The following SMAD4 variants were observed in gnomAD, a reference collection of about 807,000 sequenced individuals.
The protein encoded by SMAD4 is MAD homolog 4.
SMAD4 carries 7 observed loss-of-function variants against 63.2 expected under a neutral mutation model. The ratio of observed to expected loss-of-function variants is 0.11; its 90% confidence interval spans 0.06 to 0.21. The LOEUF (loss-of-function observed/expected upper bound fraction) is 0.21. SMAD4 is among the 10% of genes least tolerant of loss of function. SMAD4 has a pLI of 1.00. For synonymous variants in SMAD4, 215 were observed against 235.4 expected (o/e 0.91, Z 0.79); for missense variants, 312 against 693.8 (o/e 0.45, Z 6.18).
chr18:51,046,435 G>GT (rs1430527145), intron 1 of SMAD4, among the ~76,000 whole-genome samples: 1 of 131,128 alleles, frequency 7.6e-6, no homozygotes, highest in Non-Finnish European at 1.7e-5. Flanking sequence ...TTCTAAATTG[G>GT]GGTTTTTTTT....
In SMAD4 at chr18:51,065,545, G is replaced by T; in HGVS notation, c.1078G>T (p.Asp360Tyr). The T allele has an allele frequency of 6.2e-7, 1 of 1,614,188 alleles. No individual in the cohort carries two copies. The highest frequency in any genetic ancestry group is 8.5e-7 in the Non-Finnish European group (1 of 1,180,028). Residue 360 changes from aspartate to tyrosine, a missense_variant, in exon 9 of 12, where the codon GAT becomes TAT. Asp to Tyr is a radical substitution (Grantham distance 160). Transcript: ENST00000342988. ...TGGATACGTGGACCCTTCTGGAGGAGATCGCTTTTGTTTGGGTCAACTCTC... is the reference window on the plus strand; with the variant it reads ...TGGATACGTGGACCCTTCTGGAGGATATCGCTTTTGTTTGGGTCAACTCTC... ...VDGYVDPSGG[D>Y]RFCLGQLSNV... is the part of the protein sequence containing the mutation.
At chr18:51,052,076 T>C (rs968754386) in intron 4 of SMAD4, among the ~76,000 whole-genome samples, 13 of 152,110 alleles carry the variant, frequency 8.5e-5, no homozygotes, top group Admixed American at 7.9e-4. Context: ...CCTCCCAAAG[T>C]GCTGGGATTA....
chr18:51,045,687 G>A (rs1909524018), intron 1 of SMAD4, among the ~76,000 whole-genome samples: 1 of 152,124 alleles, frequency 6.6e-6, no homozygotes, highest in South Asian at 2.1e-4. Context: ...GTACAATTCA[G>A]TGGTTTTTAC....
At chr18:51,073,521 T>C (rs1347204392) in intron 10 of SMAD4, among the ~76,000 whole-genome samples, 1 of 150,180 alleles carries the variant, frequency 6.7e-6, no homozygotes, top group Non-Finnish European at 1.5e-5. Context: ...GAAGATAATA[T>C]AAGAGAAAAA....
intron 5 of SMAD4, among the ~76,000 whole-genome samples, 172 bp from the exon 6 acceptor site, chr18:51,057,953 T>G (rs1440122175): frequency 6.6e-6 from 1 of 152,252 alleles, no homozygotes; most frequent in African/African-American, 2.4e-5. Flanking sequence ...AGTTAAAGTT[T>G]GCCTTTATAG....
chr18:51,067,192 G>A lies in SMAD4; in HGVS notation c.1308+5G>A, dbSNP rs748860050. 1 of 1,514,964 alleles carries A rather than the reference G, an allele frequency of 6.6e-7. No homozygotes were observed. The highest frequency in any genetic ancestry group is 9.2e-7 in the Non-Finnish European group (1 of 1,091,052). The allele number at this position is 1,514,964 out of a possible 1,614,324, so 93.8% of individuals were successfully genotyped here. On this transcript the variant is annotated splice_donor_5th_base_variant and intron_variant, in intron 10 of 11. Transcript: ENST00000342988. ...TACCCAAGTGCATATATAAAGGTTAGTTACAATTTTATTTGAATATTTTAG... is the reference window on the plus strand; with the variant it reads ...TACCCAAGTGCATATATAAAGGTTAATTACAATTTTATTTGAATATTTTAG...
At chr18:51,072,767 A>T (rs187594531) in intron 10 of SMAD4, among the ~76,000 whole-genome samples, 6 of 152,318 alleles carry the variant, frequency 3.9e-5, no homozygotes. Context: ...TTAGCTCAGG[A>T]GTGGTGGTCA....
In SMAD4 at chr18:51,046,932, A is replaced by G; in HGVS notation, c.-115A>G. The G allele has an allele frequency of 1.1e-6, 1 of 872,880 alleles. No homozygotes were observed. Among genetic ancestry groups the G allele is most frequent in the Non-Finnish European group, 1.9e-6 (1 of 539,598 alleles). The allele number at this position is 872,880 out of a possible 1,614,324, so 54.1% of individuals were successfully genotyped here. ...TTTTCTTTTTTAGGTTATCCTGAAT[A>G]CATGTCTAACAATTTTCCTTGCAAC... is the stretch of plus-strand genomic sequence containing the variant. On this transcript the variant is annotated 5_prime_UTR_variant, in exon 2 of 12. The change creates a new upstream start codon in the 5' untranslated region. Coordinates refer to ENST00000342988, the MANE Select transcript of SMAD4 (RefSeq NM_005359.6).
At chr18:51,032,501 G>A (rs1909080049) in intron 1 of SMAD4, among the ~76,000 whole-genome samples, 1 of 152,184 alleles carries the variant, frequency 6.6e-6, no homozygotes, top group South Asian at 2.1e-4. Flanking sequence ...CTAGGAAGCA[G>A]CAAATCTTAC....
chr18:51,073,388 T>TATATATA (rs1417299090), intron 10 of SMAD4, among the ~76,000 whole-genome samples: 3 of 64,186 alleles, frequency 4.7e-5, no homozygotes, highest in Admixed American at 1.9e-4. Context: ...TATATATATA[T>TATATATA]ACACACACAC....
At chr18:51,038,229 C>T (rs1216882851) in intron 1 of SMAD4, among the ~76,000 whole-genome samples, 8 of 146,082 alleles carry the variant, frequency 5.5e-5, no homozygotes, top group Non-Finnish European at 8.9e-5. Flanking sequence ...TGCACTCGGG[C>T]CTAGGCTACA....
intron 8 of SMAD4, among the ~76,000 whole-genome samples, chr18:51,065,177 T>C (rs970347883): frequency 6.6e-6 from 1 of 152,014 alleles, no homozygotes; most frequent in African/African-American, 2.4e-5. Flanking sequence ...TAAGTGGTAA[T>C]TGGAAATTAA....
intron 5 of SMAD4, among the ~76,000 whole-genome samples, chr18:51,056,004 G>T (rs755338506): frequency 6.6e-6 from 1 of 152,138 alleles, no homozygotes; most frequent in African/African-American, 2.4e-5. Context: ...CCACTTCAAA[G>T]CAACATGTTT....
At chr18:51,032,534 T>G (rs192121875) in intron 1 of SMAD4, among the ~76,000 whole-genome samples, 1 of 152,346 alleles carries the variant, frequency 6.6e-6, no homozygotes, top group African/African-American at 2.4e-5. Context: ...CTGCTTCACT[T>G]TCTTAAGCTA....
chr18:51,046,098 C>T (rs1037551853), intron 1 of SMAD4, among the ~76,000 whole-genome samples: 1 of 152,086 alleles, frequency 6.6e-6, no homozygotes, highest in Non-Finnish European at 1.5e-5. Flanking sequence ...TTTGTGTGGA[C>T]ATGGGTTTTC....
At chr18:51,064,244 C>T (rs1433000733) in intron 8 of SMAD4, among the ~76,000 whole-genome samples, 1 of 152,160 alleles carries the variant, frequency 6.6e-6, no homozygotes, top group African/African-American at 2.4e-5. Context: ...GCTTTCGCTT[C>T]CTCTTTGAAA....
rs1420554760 is a variant in SMAD4 at position 51,042,354 on chromosome 18, TTTTC to T, written c.-127-4558_-127-4555del. ...CTCTCTCCCTCTCTCTTTCTCTCTG[TTTTC>T]TTTCTTTTTCCTTCCTCCCTCCCTG... On this transcript the variant is annotated intron_variant, in intron 1 of 11. Transcript: ENST00000342988. Among the ~76,000 whole-genome samples, 34 of 133,542 alleles carry T rather than the reference TTTTC, an allele frequency of 2.5e-4. 1 individual carries two copies. The highest frequency in any genetic ancestry group is 9.2e-4 in the African/African-American group (33 of 36,008). The allele number at this position is 133,542 out of a possible 152,430, so 87.6% of individuals were successfully genotyped here.
In SMAD4 at chr18:51,040,222, C is replaced by G. The variant is rs140350940; in HGVS notation, c.-127-6698C>G. On this transcript the variant is annotated intron_variant, in intron 1 of 11. Transcript: ENST00000342988. Reference sequence around the variant, plus strand: ...CGGGCAGATCATGAGGTCAGGAGATCGAGACCATCCTGGCCAACGTGGTGA... The same window carrying G: ...CGGGCAGATCATGAGGTCAGGAGATGGAGACCATCCTGGCCAACGTGGTGA... Among the ~76,000 whole-genome samples, 88 of 152,110 alleles carry G rather than the reference C, an allele frequency of 5.8e-4. No homozygotes were observed. In the Middle Eastern group the frequency reaches 0.01, roughly 18 times the overall value.
At position 51,082,732 on chromosome 18, in the gene SMAD4, G is replaced by T; in HGVS notation, c.*4265G>T. On this transcript the variant is annotated 3_prime_UTR_variant, in exon 12 of 12. Coordinates refer to ENST00000342988, the MANE Select transcript of SMAD4 (RefSeq NM_005359.6). ...AGACAGCTATGGTTTTGAATTTTTA[G>T]TTTTTTTTTTTTAACCCACTTCCCC... The T allele has an allele frequency of 4.8e-6, 1 of 208,272 alleles. No individual in the cohort carries two copies. Among genetic ancestry groups the T allele is most frequent in the Admixed American group, 6.1e-5 (1 of 16,416 alleles). 12.9% of individuals were successfully genotyped at this position (208,272 alleles called of 1,614,324 possible).
Sources: allele counts gnomAD v4.1 joint callset (sites outside exome capture counted in the v4.1 genomes callset), GRCh38; gene constraint gnomAD v4.1.1; transcripts MANE v1.5; gene names NCBI Gene and HGNC (gene_info 2026-07-23, HGNC 2026-07-21).